The following LTBP1 variants were observed in gnomAD, a reference collection of about 807,000 sequenced individuals.
LTBP1 encodes latent transforming growth factor beta binding protein 1.
A neutral mutation model predicts 207.6 loss-of-function variants in LTBP1; 129 were observed. That is an observed-to-expected ratio of 0.62 (90% CI 0.54 to 0.72). The LOEUF is 0.72. Ranked by LOEUF, LTBP1 falls within the 30% of genes least tolerant of loss-of-function variation. The pLI is 0.00. For synonymous variants in LTBP1, 963 were observed against 833.7 expected, an observed-to-expected ratio of 1.16 and a Z score of -2.67; for missense variants, 2,281 against 2,217.2, an observed-to-expected ratio of 1.03 and a Z score of -0.58.
At chr2:33,139,646 A>G (rs1289652641) in intron 5 of LTBP1, among the ~76,000 whole-genome samples, 2 of 152,184 alleles carry the variant, frequency 1.3e-5, no homozygotes, top group Non-Finnish European at 2.9e-5. Flanking sequence ...AGATGGCCTG[A>G]TTGTGGACTG....
At chr2:33,251,984 A>G (rs956594515) in intron 10 of LTBP1, among the ~76,000 whole-genome samples, 10 of 152,346 alleles carry the variant, frequency 6.6e-5, no homozygotes, top group African/African-American at 2.4e-4. Flanking sequence ...CTAAACGTAT[A>G]GCAGAAGATG....
intron 2 of LTBP1, among the ~76,000 whole-genome samples, chr2:33,013,751 A>G (rs1416302848): frequency 1.3e-5 from 2 of 151,998 alleles, no homozygotes; most frequent in Non-Finnish European, 2.9e-5. Flanking sequence ...CCAGCTGACC[A>G]CCTATTTTAA....
Position 33,363,487 on chromosome 2 carries a change from G to T in LTBP1, c.4368G>T (p.Thr1456=). ...ATGAATGCTACTGTAAGCAAGGGAC[G>T]TACTATGATCCTGTGAAACTGCAGT... is the stretch of plus-strand genomic sequence containing the variant. ...PGYECYCKQG[T]YYDPVKLQCF... is the part of the protein sequence containing the mutation. Residue 1456 remains threonine, a synonymous_variant, in exon 29 of 34, where the codon ACG becomes ACT. Coordinates refer to ENST00000404816, the MANE Select transcript of LTBP1 (RefSeq NM_206943.4). The T allele has an allele frequency of 6.2e-7, 1 of 1,613,852 alleles. No individual in the cohort carries two copies. The highest frequency in any genetic ancestry group is 8.5e-7 in the Non-Finnish European group (1 of 1,179,808).
chr2:32,949,777 T>C (rs537387472), intron 2 of LTBP1, among the ~76,000 whole-genome samples: 14 of 152,232 alleles, frequency 9.2e-5, no homozygotes, highest in Non-Finnish European at 1.5e-4. Context: ...AAATTTCTGC[T>C]GCTTGGATTT....
intron 31 of LTBP1, among the ~76,000 whole-genome samples, chr2:33,369,816 C>G (rs991113494): frequency 4.6e-5 from 7 of 152,198 alleles, no homozygotes. Flanking sequence ...GAGAAGTACA[C>G]AGTGAAATTA....
chr2:33,355,719 C>G (rs936052819), intron 26 of LTBP1, among the ~76,000 whole-genome samples: 4 of 152,012 alleles, frequency 2.6e-5, no homozygotes, highest in African/African-American at 9.7e-5. Flanking sequence ...CTCTCACTGT[C>G]CCAGGCTCAT....
Position 33,150,710 on chromosome 2 carries a change from C to CTTTTTTTTTTTTTTTTTTTT in LTBP1, c.1201+15757_1201+15776dup, listed in dbSNP as rs1176008947. On this transcript the variant is annotated intron_variant, in intron 5 of 33. Coordinates refer to ENST00000404816, the MANE Select transcript of LTBP1 (RefSeq NM_206943.4). ...CTTTTCTTTTTTCTTTTTTCTTTTT[C>CTTTTTTTTTTTTTTTTTTTT]TTTTTTTTTTTTTTTTTTTTTTTTT... 2.0e-3 allele frequency among the ~76,000 whole-genome samples: 137 copies of CTTTTTTTTTTTTTTTTTTTT among 69,320 alleles called. 1 individual carries two copies. Among genetic ancestry groups the CTTTTTTTTTTTTTTTTTTTT allele is most frequent in the Admixed American group, 2.3e-3 (11 of 4,832 alleles). 45.5% of individuals were successfully genotyped at this position (69,320 alleles called of 152,430 possible). A position where few individuals can be genotyped will look rare whatever the true frequency, so the allele number is the denominator to read the frequency against.
intron 5 of LTBP1, among the ~76,000 whole-genome samples, chr2:33,150,750 G>A (rs75239055): frequency 0.037 from 3,662 of 100,150 alleles, 85 homozygotes; most frequent in Middle Eastern, 0.25. Context: ...ACAGAGTCTC[G>A]CTCTGTTGCC....
At chr2:33,071,640 T>A (rs902881955) in intron 3 of LTBP1, among the ~76,000 whole-genome samples, 1 of 26,848 alleles carries the variant, frequency 3.7e-5, no homozygotes, top group Non-Finnish European at 9.9e-4. Context: ...GGTTATGATG[T>A]CGTAACAAGT....
intron 2 of LTBP1, among the ~76,000 whole-genome samples, chr2:33,005,079 A>G (rs1686636612): frequency 6.6e-6 from 1 of 152,104 alleles, no homozygotes; most frequent in African/African-American, 2.4e-5. Flanking sequence ...TGTGAGAGTT[A>G]ATGCAGCAGG....
intron 32 of LTBP1, 46 bp downstream of exon 32, chr2:33,389,352 G>T (rs1355863229): frequency 1.2e-6 from 2 of 1,609,816 alleles, no homozygotes; most frequent in Non-Finnish European, 1.7e-6. Context: ...TGTGGTTGAA[G>T]ATTAATCAGT....
intron 9 of LTBP1, among the ~76,000 whole-genome samples, chr2:33,224,004 C>T (rs190059452): frequency 1.3e-5 from 2 of 152,308 alleles, no homozygotes; most frequent in African/African-American, 4.8e-5. Context: ...ATGTGAAAGG[C>T]TGAGACGTAA....
intron 15 of LTBP1, among the ~76,000 whole-genome samples, chr2:33,265,384 TAGG>T (rs2093147258): frequency 6.6e-6 from 1 of 152,212 alleles, no homozygotes; most frequent in Admixed American, 6.5e-5. Context: ...AGGCTGTGGG[TAGG>T]AGTTTATATG....
At chr2:33,241,981 A>G (rs1464171995) in intron 9 of LTBP1, among the ~76,000 whole-genome samples, 8 of 152,238 alleles carry the variant, frequency 5.3e-5, no homozygotes, top group African/African-American at 1.7e-4. Context: ...GGTGTCATCT[A>G]GCTGTAGCAG....
intron 4 of LTBP1, among the ~76,000 whole-genome samples, chr2:33,125,723 G>A (rs376582552): frequency 1.8e-4 from 28 of 151,958 alleles, no homozygotes; most frequent in Middle Eastern, 3.4e-3. Context: ...CCAGCTGCTC[G>A]GGAGGCTGAG....
At chr2:33,025,325 A>C (rs1241892516) in intron 3 of LTBP1, among the ~76,000 whole-genome samples, 2 of 152,210 alleles carry the variant, frequency 1.3e-5, no homozygotes, top group African/African-American at 2.4e-5. Context: ...ATTTAATTAG[A>C]ACTTGATAAA....
intron 31 of LTBP1, among the ~76,000 whole-genome samples, chr2:33,373,640 G>T (rs1041375847): frequency 2.0e-5 from 3 of 152,068 alleles, no homozygotes; most frequent in Non-Finnish European, 4.4e-5. Flanking sequence ...TATACAGCTT[G>T]TGGTTTATAA....
chr2:33,279,218 G>A (rs763946024), intron 18 of LTBP1, among the ~76,000 whole-genome samples: 2 of 152,144 alleles, frequency 1.3e-5, no homozygotes, highest in Non-Finnish European at 2.9e-5. Flanking sequence ...AGAAGCCATG[G>A]TGTTAACACT....
chr2:33,139,154 G>A (rs996505945), intron 5 of LTBP1, among the ~76,000 whole-genome samples: 56 of 152,176 alleles, frequency 3.7e-4, no homozygotes, highest in Middle Eastern at 3.4e-3. Context: ...CACCGCGCCC[G>A]GCTAAAAAGT....
Sources: allele counts gnomAD v4.1 joint callset (sites outside exome capture counted in the v4.1 genomes callset), GRCh38; gene constraint gnomAD v4.1.1; transcripts MANE v1.5; gene names NCBI Gene and HGNC (gene_info 2026-07-23, HGNC 2026-07-21).